The following SPATA13 variants were observed in gnomAD, a reference collection of about 807,000 sequenced individuals.
SPATA13 encodes the protein spermatogenesis-associated protein 13.
SPATA13 carries 50 observed loss-of-function variants against 104.0 expected under a neutral mutation model. The ratio of observed to expected loss-of-function variants is 0.48; its 90% CI spans 0.38 to 0.61. The LOEUF is 0.61. SPATA13 is among the 20% of genes least tolerant of loss of function. SPATA13 has a pLI of 0.00. For missense variants in SPATA13, 1,524 were observed against 1,690.6 expected (o/e 0.90, Z 1.73); for synonymous variants, 606 against 667.5 (o/e 0.91, Z 1.42).
In SPATA13 at chr13:24,009,795, C is replaced by T. The variant is rs548533998; in HGVS notation, c.-146-7872C>T. On this transcript the variant is annotated intron_variant, in intron 2 of 14. Transcript: ENST00000424834. ...CAGACTTAAGGTCTGTTGATGTTAA[C>T]TCTGGTCGGCTTTTTTTGAATTCCA... is the stretch of plus-strand genomic sequence containing the variant. 1.0e-3 allele frequency among the ~76,000 whole-genome samples: 157 copies of T among 152,236 alleles called. 1 individual carries two copies. The highest frequency in any genetic ancestry group is 3.6e-3 in the African/African-American group (148 of 41,546).
At chr13:24,226,757 C>T (rs936837654) in intron 2 of SPATA13, among the ~76,000 whole-genome samples, 2 of 152,208 alleles carry the variant, frequency 1.3e-5, no homozygotes, top group African/African-American at 4.8e-5. Context: ...TTTGCAGACT[C>T]AGAAGCCAGG....
At chr13:24,168,863 A>T (rs1882847732) in intron 1 of SPATA13, among the ~76,000 whole-genome samples, 1 of 151,914 alleles carries the variant, frequency 6.6e-6, no homozygotes, top group Non-Finnish European at 1.5e-5. Context: ...GAAGTTAAAT[A>T]ATTCAAAATA....
intron 3 of SPATA13, among the ~76,000 whole-genome samples, chr13:24,080,901 T>C (rs1250223392): frequency 6.6e-6 from 1 of 152,200 alleles, no homozygotes; most frequent in Non-Finnish European, 1.5e-5. Flanking sequence ...CCACTTCCAG[T>C]GCACCTGTCT....
At chr13:24,217,871 T>TC (rs1426368631) in intron 1 of SPATA13, among the ~76,000 whole-genome samples, 5 of 151,894 alleles carry the variant, frequency 3.3e-5, no homozygotes, top group Non-Finnish European at 5.9e-5. Context: ...GCAACTCCCT[T>TC]CCCCCAACCC....
At chr13:24,167,384 G>C (rs928875641) in intron 1 of SPATA13, among the ~76,000 whole-genome samples, 3 of 152,210 alleles carry the variant, frequency 2.0e-5, no homozygotes, top group African/African-American at 7.2e-5. Flanking sequence ...AACAGCTCCA[G>C]TGTGGTGGAT....
At chr13:24,095,099 G>A (rs1056752804) in intron 3 of SPATA13, among the ~76,000 whole-genome samples, 1 of 152,326 alleles carries the variant, frequency 6.6e-6, no homozygotes, top group Admixed American at 6.5e-5. Context: ...AGAGGCATGT[G>A]CACACCCATG....
At chr13:24,239,281 C>T (rs1354729588) in intron 2 of SPATA13, among the ~76,000 whole-genome samples, 1 of 152,092 alleles carries the variant, frequency 6.6e-6, no homozygotes, top group Non-Finnish European at 1.5e-5. Flanking sequence ...TTATCTGAAA[C>T]GTGGTCACTG....
At chr13:24,166,780 T>C (rs1300309542) in intron 1 of SPATA13, among the ~76,000 whole-genome samples, 1 of 152,256 alleles carries the variant, frequency 6.6e-6, no homozygotes, top group East Asian at 1.9e-4. Flanking sequence ...CTACTCTCCA[T>C]GTCTGCCTCA....
intron 4 of SPATA13, among the ~76,000 whole-genome samples, chr13:24,277,724 G>A (rs933725447): frequency 3.9e-5 from 6 of 152,138 alleles, no homozygotes; most frequent in Admixed American, 6.5e-5. Flanking sequence ...TGTATGCCAG[G>A]TACTATGCTA....
At chr13:24,083,728 A>T (rs962490926) in intron 3 of SPATA13, among the ~76,000 whole-genome samples, 1 of 152,212 alleles carries the variant, frequency 6.6e-6, no homozygotes, top group South Asian at 2.1e-4. Flanking sequence ...TTTCAGACAG[A>T]AAGACTGCAC....
chr13:24,129,416 T>C (rs1053674753), intron 3 of SPATA13, among the ~76,000 whole-genome samples: 2 of 152,240 alleles, frequency 1.3e-5, no homozygotes, highest in African/African-American at 2.4e-5. Context: ...GTCCAGAGAA[T>C]CGTTGAGGAT....
At chr13:24,249,907 C>T (rs1873389510) in intron 3 of SPATA13, 65 bp downstream of exon 3, 1 of 1,518,744 alleles carries the variant, frequency 6.6e-7, no homozygotes, top group African/African-American at 1.4e-5. Context: ...TCTATTCTGT[C>T]TGCACACTAA....
intron 10 of SPATA13, 38 bp from the exon 11 acceptor site, chr13:24,297,325 G>A: frequency 6.4e-7 from 1 of 1,566,278 alleles, no homozygotes; most frequent in Non-Finnish European, 8.6e-7. Context: ...AGCTGTGGTA[G>A]AATTGGAAGG....
chr13:24,267,041 TA>T (rs920748883), intron 4 of SPATA13, among the ~76,000 whole-genome samples: 22 of 147,800 alleles, frequency 1.5e-4, no homozygotes, highest in African/African-American at 1.7e-4. Flanking sequence ...CTCTGATCAC[TA>T]AAAAAAAAAA....
intron 4 of SPATA13, among the ~76,000 whole-genome samples, chr13:24,265,275 C>T (rs1874248058): frequency 6.6e-6 from 1 of 152,180 alleles, no homozygotes; most frequent in Non-Finnish European, 1.5e-5. Context: ...AGCATCTACC[C>T]GGCTCATCAG....
chr13:24,107,052 C>T (rs1269148015), intron 3 of SPATA13, among the ~76,000 whole-genome samples: 20 of 145,708 alleles, frequency 1.4e-4, no homozygotes, highest in East Asian at 8.0e-4. Flanking sequence ...ATGATAAGGA[C>T]GGGGAAAAAA....
In SPATA13 at chr13:24,037,943, G is replaced by C. The variant is rs577100744; in HGVS notation, c.-112+20242G>C. Among the ~76,000 whole-genome samples the C allele has an allele frequency of 5.5e-4, 83 of 151,230 alleles. 1 individual carries two copies. The South Asian group carries it at 0.015, about 27-fold the overall frequency. On this transcript the variant is annotated intron_variant, in intron 3 of 14. Coordinates refer to the SPATA13 transcript ENST00000424834. ...ATTTTTTTTTTTGAAATGGAGTCTC[G>C]CTCTGTCACCCAGGCTGCATTGCAG... is the stretch of plus-strand genomic sequence containing the variant.
chr13:24,045,423 T>G (rs1292250721), intron 3 of SPATA13, among the ~76,000 whole-genome samples: 1 of 151,992 alleles, frequency 6.6e-6, no homozygotes, highest in Non-Finnish European at 1.5e-5. Flanking sequence ...AACATTTTTT[T>G]CTCTCAGTTT....
chr13:24,289,055 C>A lies in SPATA13; in HGVS notation c.2724C>A (p.Ala908=), dbSNP rs1370032405. 6.2e-7 allele frequency: 1 copy of A among 1,613,964 alleles called. No homozygotes were observed. Among genetic ancestry groups the A allele is most frequent in the Non-Finnish European group, 8.5e-7 (1 of 1,179,982 alleles). The part of the protein sequence containing the change: ...HTGMFTVAQL[A]TIFGNIEDIY... ...GAATGTTCACCGTTGCGCAGCTAGCCACTATTTTTGGAAACATTGAAGATA... is the reference window on the plus strand; with the variant it reads ...GAATGTTCACCGTTGCGCAGCTAGCAACTATTTTTGGAAACATTGAAGATA... The change falls in exon 8 of 13, where the codon GCC becomes GCA. Residue 908 remains alanine (A), a synonymous_variant. Transcript: ENST00000382108.
Sources: allele counts gnomAD v4.1 joint callset (sites outside exome capture counted in the v4.1 genomes callset), GRCh38; gene constraint gnomAD v4.1.1; transcripts MANE v1.5; gene names NCBI Gene and HGNC (gene_info 2026-07-23, HGNC 2026-07-21).